ATP8B4: variants seen among roughly 807,000 people sequenced by gnomAD.
ATP8B4 encodes the protein ATPase phospholipid transporting 8B4 (putative), also known as probable phospholipid-transporting ATPase IM.
In ATP8B4, 133 loss-of-function variants were observed where a neutral mutation model predicts 145.6. The ratio of observed to expected loss-of-function variants is 0.91; its 90% CI spans 0.79 to 1.05. The LOEUF is 1.05. ATP8B4 is among the 50% of genes least tolerant of loss of function. ATP8B4 has a pLI of 0.00. For synonymous variants in ATP8B4, 507 were observed against 492.9 expected, an observed-to-expected ratio of 1.03 and a Z score of -0.38; for missense variants, 1,458 against 1,425.2, an observed-to-expected ratio of 1.02 and a Z score of -0.37.
chr15:50,050,376 T>C (rs1022542457), intron 3 of ATP8B4, among the ~76,000 whole-genome samples: 2 of 152,130 alleles, frequency 1.3e-5, no homozygotes, highest in African/African-American at 2.4e-5. Context: ...TCAACAAAAA[T>C]TCCTAGATCA....
chr15:50,165,704 G>C (rs1361407125), intron 1 of ATP8B4, among the ~76,000 whole-genome samples: 1 of 152,120 alleles, frequency 6.6e-6, no homozygotes, highest in Admixed American at 6.6e-5. Flanking sequence ...CTTAGAGTTA[G>C]TTATCAAAGC....
chr15:49,876,529 AAC>A lies in ATP8B4; in HGVS notation c.2782-8_2782-7del. ...CTGTTCTGGTCACTCACATCCTGTA[AAC>A]AGAGTGTAATTTCAGTGGAGAAGGA... On this transcript the variant is annotated splice_region_variant and splice_polypyrimidine_tract_variant and intron_variant, in intron 24 of 27. Transcript: ENST00000284509. The A allele has an allele frequency of 6.2e-7, 1 of 1,613,814 alleles. No individual in the cohort carries two copies. The highest frequency in any genetic ancestry group is 8.5e-7 in the Non-Finnish European group (1 of 1,179,790).
chr15:50,121,264 C>T (rs1178594437), upstream of ATP8B4, among the ~76,000 whole-genome samples: 1 of 152,034 alleles, frequency 6.6e-6, no homozygotes, highest in Non-Finnish European at 1.5e-5. Context: ...ATAATGATAA[C>T]AGCAAGGCTC....
At chr15:50,167,248 G>A (rs1230776519) in intron 1 of ATP8B4, among the ~76,000 whole-genome samples, 1 of 152,172 alleles carries the variant, frequency 6.6e-6, no homozygotes, top group African/African-American at 2.4e-5. Context: ...TAAACTTGAT[G>A]TCTTAAAACA....
chr15:49,903,556 C>T (rs1254452342), intron 20 of ATP8B4, among the ~76,000 whole-genome samples: 4 of 152,112 alleles, frequency 2.6e-5, no homozygotes, highest in Admixed American at 6.5e-5. Flanking sequence ...AAAAAAGAGT[C>T]GTTTAGTCAG....
At chr15:49,947,926 G>GA (rs983616380) in intron 14 of ATP8B4, among the ~76,000 whole-genome samples, 5 of 151,650 alleles carry the variant, frequency 3.3e-5, no homozygotes, top group Non-Finnish European at 7.4e-5. Flanking sequence ...ACAGGCAAAA[G>GA]AAAAAAATGG....
At chr15:50,168,465 G>A (rs1273395324) in intron 1 of ATP8B4, among the ~76,000 whole-genome samples, 2 of 152,176 alleles carry the variant, frequency 1.3e-5, no homozygotes, top group African/African-American at 2.4e-5. Flanking sequence ...GTTACTTGAA[G>A]CTGAGTCAAT....
chr15:50,100,274 C>T (rs775276426), intron 2 of ATP8B4, among the ~76,000 whole-genome samples: 2 of 152,102 alleles, frequency 1.3e-5, no homozygotes, highest in Non-Finnish European at 2.9e-5. Context: ...AATATCATCT[C>T]TGCATGATTT....
intron 1 of ATP8B4, among the ~76,000 whole-genome samples, chr15:50,136,433 A>G (rs2044121774): frequency 6.6e-6 from 1 of 152,222 alleles, no homozygotes; most frequent in Non-Finnish European, 1.5e-5. Flanking sequence ...TTAAAAAGCC[A>G]GTCAGTTCAC....
At chr15:50,163,133 A>C (rs1202497468) in intron 1 of ATP8B4, among the ~76,000 whole-genome samples, 2 of 152,208 alleles carry the variant, frequency 1.3e-5, no homozygotes, top group Non-Finnish European at 2.9e-5. Flanking sequence ...GTGCCTTATT[A>C]AGTTCATTTG....
intron 23 of ATP8B4, among the ~76,000 whole-genome samples, chr15:49,892,843 T>C (rs1053113952): frequency 6.6e-6 from 1 of 152,176 alleles, no homozygotes; most frequent in African/African-American, 2.4e-5. Flanking sequence ...AAGAGCTACA[T>C]CCTCAGTGTA....
intron 14 of ATP8B4, among the ~76,000 whole-genome samples, chr15:49,959,658 T>C (rs1191551644): frequency 1.3e-5 from 2 of 152,080 alleles, no homozygotes; most frequent in South Asian, 2.1e-4. Flanking sequence ...ATTGCTTTCA[T>C]ATTAAGAGGC....
chr15:49,906,164 T>C (rs1599043253), intron 20 of ATP8B4, among the ~76,000 whole-genome samples: 1 of 152,210 alleles, frequency 6.6e-6, no homozygotes, highest in African/African-American at 2.4e-5. Flanking sequence ...TCATGGCTGG[T>C]TATTTGAGCT....
At chr15:49,963,336 T>C (rs1435639849) in intron 13 of ATP8B4, among the ~76,000 whole-genome samples, 1 of 152,142 alleles carries the variant, frequency 6.6e-6, no homozygotes, top group African/African-American at 2.4e-5. Flanking sequence ...AGTTCAACCA[T>C]TGTGGAAGAC....
chr15:50,046,414 A>G (rs1255936027), intron 4 of ATP8B4, among the ~76,000 whole-genome samples: 1 of 152,192 alleles, frequency 6.6e-6, no homozygotes, highest in Non-Finnish European at 1.5e-5. Flanking sequence ...CAAAAACAAA[A>G]CAAAACAAAA....
chr15:50,014,847 C>A lies in ATP8B4; in HGVS notation c.363-3930G>T, dbSNP rs184332866. Among the ~76,000 whole-genome samples the A allele has an allele frequency of 9.8e-5, 15 of 152,286 alleles. No homozygotes were observed. In the East Asian group the frequency reaches 2.9e-3, roughly 29 times the overall value. ...CACTGAGGTTCATAGAAATTGAGAT[C>A]TTTGCCTTATTTTGCAGTATCTATC... On this transcript the variant is annotated intron_variant, in intron 6 of 27. Transcript: ENST00000284509.
In ATP8B4 at chr15:49,934,167, C is replaced by A; in HGVS notation, c.1303G>T (p.Asp435Tyr). 6.2e-7 allele frequency: 1 copy of A among 1,610,026 alleles called. No individual in the cohort carries two copies. Among genetic ancestry groups the A allele is most frequent in the Non-Finnish European group, 8.5e-7 (1 of 1,178,396 alleles). Reference sequence around the variant, plus strand: ...TCCGCTTGAGATTTGACTGAGAAATCCACAGGCTCTTTTTCCTGTAGGAGA... The same window carrying A: ...TCCGCTTGAGATTTGACTGAGAAATACACAGGCTCTTTTTCCTGTAGGAGA... Reference protein sequence around the residue: ...TEITQEKEPVDFSVKSQADRE... With the variant: ...TEITQEKEPVYFSVKSQADRE... The change falls in exon 15 of 28, where the codon GAT becomes TAT. Residue 435 changes from aspartate to tyrosine, a missense_variant. By Grantham distance (160) the Asp-to-Tyr change is radical. Coordinates refer to ENST00000284509, the MANE Select transcript of ATP8B4 (RefSeq NM_024837.4).
Position 49,901,178 on chromosome 15 carries a change from C to T in ATP8B4, c.2203G>A (p.Glu735Lys), listed in dbSNP as rs765126907. The change falls in exon 21 of 28, where the codon GAA (glutamate) becomes AAA (lysine). Residue 735 changes from glutamate to lysine, a missense_variant. Physicochemically the swap from Glu to Lys is moderately conservative, Grantham distance 56 (BLOSUM62 1). Transcript: ENST00000284509. Reference sequence around the variant, plus strand: ...TCCAACTCCAGCTGCTGCTTTTTTTCACAAACTACATGGCCATTGGAAAAA... The same window carrying T: ...TCCAACTCCAGCTGCTGCTTTTTTTTACAAACTACATGGCCATTGGAAAAA... Reference protein sequence around the residue: ...RNFSNGHVVCEKKQQLELDSI... With the variant: ...RNFSNGHVVCKKKQQLELDSI... The T allele has an allele frequency of 6.8e-6, 11 of 1,613,590 alleles. No individual in the cohort carries two copies. In the South Asian group the frequency reaches 1.2e-4, roughly 18 times the overall value.
intron 9 of ATP8B4, among the ~76,000 whole-genome samples, chr15:49,988,476 G>C (rs1332651239): frequency 6.6e-6 from 1 of 152,038 alleles, no homozygotes; most frequent in African/African-American, 2.4e-5. Context: ...AAAAAGAGAG[G>C]GGAGATATGA....
Sources: gnomAD v4.1 joint callset for allele counts (sites outside exome capture counted in the v4.1 genomes callset) on GRCh38, gnomAD v4.1.1 for gene constraint, MANE v1.5 for transcripts, NCBI Gene and HGNC (gene_info 2026-07-23, HGNC 2026-07-21) for gene names.